The following GLRA2 variants were observed in gnomAD, a reference collection of about 807,000 sequenced individuals.
GLRA2 encodes glycine receptor alpha 2, also known as glycine receptor subunit alpha-2.
Under a neutral mutation model 31.6 loss-of-function variants are expected in GLRA2, and 11 were observed. That is an observed-to-expected ratio of 0.35 (90% CI 0.22 to 0.58). The LOEUF (loss-of-function observed/expected upper bound fraction) is 0.58. Among genes scored for constraint, GLRA2 ranks in the 20% least tolerant of loss-of-function variants. GLRA2 has a pLI of 0.84. For synonymous variants in GLRA2, 132 were observed against 134.0 expected (o/e 0.99, Z 0.10); for missense variants, 212 against 351.8 (o/e 0.60, Z 3.18).
At chrX:14,500,439 T>C in the GLRA2 span, among the ~76,000 whole-genome samples, 1 of 112,668 alleles carries the variant, frequency 8.9e-6, no homozygotes, top group South Asian at 3.7e-4. Context: ...ACCCAGACTA[T>C]AGCATGGTGA....
At chrX:14,591,112 G>A (rs778757680) in intron 4 of GLRA2, among the ~76,000 whole-genome samples, 8 of 112,167 alleles carry the variant, frequency 7.1e-5, no homozygotes, top group East Asian at 2.8e-4. Context: ...TTAGAAATAC[G>A]CAAACACTAT....
At chrX:14,468,371 G>T in the GLRA2 span, among the ~76,000 whole-genome samples, 1 of 111,695 alleles carries the variant, frequency 9.0e-6, no homozygotes, top group Non-Finnish European at 1.9e-5. Flanking sequence ...AATGAGGTAG[G>T]CAGATAGTGG....
the GLRA2 span, among the ~76,000 whole-genome samples, chrX:14,498,129 TA>T: frequency 1.8e-5 from 2 of 108,296 alleles, no homozygotes; most frequent in Non-Finnish European, 3.8e-5. Context: ...CATGGTTACC[TA>T]AAAAAACAAA....
intron 4 of GLRA2, among the ~76,000 whole-genome samples, chrX:14,600,500 AT>A (rs2090256870): frequency 9.0e-6 from 1 of 111,010 alleles, no homozygotes; most frequent in Non-Finnish European, 1.9e-5. Context: ...CCATCTAATT[AT>A]TTTCATATAA....
intron 7 of GLRA2, among the ~76,000 whole-genome samples, chrX:14,636,193 T>C (rs1417876695): frequency 1.8e-5 from 2 of 112,070 alleles, no homozygotes; most frequent in African/African-American, 6.5e-5. Flanking sequence ...CTCATATAGA[T>C]ATATTCTGCC....
At chrX:14,640,498 T>C (rs2090761456) in intron 7 of GLRA2, among the ~76,000 whole-genome samples, 3 of 111,752 alleles carry the variant, frequency 2.7e-5, no homozygotes, top group African/African-American at 9.7e-5. Context: ...TACATTAAAA[T>C]GCCATAAAAT....
rs191120612 is a variant in GLRA2, at chrX:14,532,007, A to G, written c.69-232A>G. 1.9e-4 allele frequency among the ~76,000 whole-genome samples: 21 copies of G among 111,887 alleles called. No homozygotes were observed. In the East Asian group the frequency reaches 5.3e-3, roughly 28 times the overall value. On this transcript the variant is annotated intron_variant, in intron 1 of 8. Coordinates refer to ENST00000218075, the MANE Select transcript of GLRA2 (RefSeq NM_002063.4). ...TCTGTTCTCAAACATCTTATGGTTA[A>G]AGTTTGGAAACCTGGGTGACGCGAC...
At chrX:14,550,273 T>A (rs767458199) in intron 2 of GLRA2, among the ~76,000 whole-genome samples, 215 of 107,128 alleles carry the variant, frequency 2.0e-3, no homozygotes, top group South Asian at 6.0e-3. Flanking sequence ...TTTTTTTTTT[T>A]AAAATTAAGA....
intron 2 of GLRA2, among the ~76,000 whole-genome samples, chrX:14,542,674 A>C (rs773792964): frequency 1.8e-5 from 2 of 110,640 alleles, no homozygotes; most frequent in South Asian, 7.7e-4. Context: ...TTTATTCTTT[A>C]AGTGTAGGGG....
chrX:14,584,656 C>A (rs1463030908), intron 4 of GLRA2, among the ~76,000 whole-genome samples: 2 of 112,055 alleles, frequency 1.8e-5, no homozygotes, highest in Non-Finnish European at 3.8e-5. Context: ...CCCCAGTGAC[C>A]ATTCATTTTT....
At chrX:14,656,129 G>T (rs901825223) in intron 7 of GLRA2, among the ~76,000 whole-genome samples, 34 of 111,684 alleles carry the variant, frequency 3.0e-4, no homozygotes, top group African/African-American at 1.1e-3. Flanking sequence ...GGCTACAGTG[G>T]TGGTTTTTGA....
chrX:14,474,652 A>AGCTGGGATGGCTGGGATG, the GLRA2 span, among the ~76,000 whole-genome samples: 34 of 70,901 alleles, frequency 4.8e-4, no homozygotes, highest in Middle Eastern at 7.7e-3. Flanking sequence ...GGATGGCTTC[A>AGCTGGGATGGCTGGGATG]GCTGGGATGG....
At chrX:14,577,980 C>T (rs73199658) in intron 3 of GLRA2, among the ~76,000 whole-genome samples, 22,147 of 111,033 alleles carry the variant, frequency 0.2, 2,153 homozygotes, top group Non-Finnish European at 0.31. Context: ...TAGCTTTATG[C>T]ACAGTGATGA....
rs371122650 is a variant in GLRA2, at chrX:14,598,355, T to C, written c.495-5960T>C. On this transcript the variant is annotated intron_variant, in intron 4 of 8. Transcript: ENST00000218075. The stretch of plus-strand genomic sequence containing the variant: ...TGGTATTTTTCCCTCAAGAGTTTCA[T>C]TGGGAATGAACTCCGAGTTCTAATT... Among the ~76,000 whole-genome samples the C allele has an allele frequency of 5.3e-5, 6 of 112,575 alleles. No homozygotes were observed. The East Asian group carries it at 1.7e-3, about 31-fold the overall frequency.
At chrX:14,550,375 C>G (rs1433683099) in intron 2 of GLRA2, among the ~76,000 whole-genome samples, 1 of 109,018 alleles carries the variant, frequency 9.2e-6, no homozygotes, top group Admixed American at 9.8e-5. Flanking sequence ...CTGGAAGGAG[C>G]AGGAGGAATC....
intron 7 of GLRA2, among the ~76,000 whole-genome samples, chrX:14,666,367 G>GT (rs1219321884): frequency 2.7e-5 from 3 of 111,707 alleles, no homozygotes; most frequent in Non-Finnish European, 5.7e-5. Context: ...AGATGTAAAG[G>GT]TAAAACTGAG....
intron 7 of GLRA2, among the ~76,000 whole-genome samples, chrX:14,641,514 A>G (rs12009757): frequency 0.059 from 6,564 of 111,113 alleles, 226 homozygotes; most frequent in Admixed American, 0.12. Context: ...AGTTTTATTT[A>G]CATACCTCTG....
the GLRA2 span, among the ~76,000 whole-genome samples, chrX:14,460,600 C>T: frequency 1.7e-4 from 19 of 111,360 alleles, no homozygotes; most frequent in Non-Finnish European, 3.2e-4. Flanking sequence ...GGTGTATGTG[C>T]CCAGGAATTT....
chrX:14,482,783 G>T, the GLRA2 span, among the ~76,000 whole-genome samples: 4 of 110,564 alleles, frequency 3.6e-5, 1 homozygote, highest in South Asian at 1.6e-3. Context: ...CATCTTTGTT[G>T]TCATCATAGG....
Sources: allele counts gnomAD v4.1 joint callset (sites outside exome capture counted in the v4.1 genomes callset), GRCh38; gene constraint gnomAD v4.1.1; transcripts MANE v1.5; gene names NCBI Gene and HGNC (gene_info 2026-07-23, HGNC 2026-07-21).